CCDC158: variants seen among roughly 807,000 people sequenced by gnomAD.
CCDC158 encodes the protein coiled-coil domain containing 158.
CCDC158 carries 116 observed loss-of-function variants against 138.6 expected under a neutral mutation model. That is an observed-to-expected ratio of 0.84 (90% confidence interval 0.72 to 0.98). The LOEUF is 0.98. Among genes scored for constraint, CCDC158 ranks in the 50% least tolerant of loss-of-function variants. The pLI, the probability that CCDC158 is intolerant of heterozygous loss-of-function variation, is 0.00. For missense variants in CCDC158, 1,265 were observed against 1,306.1 expected (o/e 0.97, Z 0.48); for synonymous variants, 436 against 442.4 (o/e 0.99, Z 0.18).
chr4:76,346,948 T>C (rs1230720554), intron 18 of CCDC158, among the ~76,000 whole-genome samples: 1 of 152,152 alleles, frequency 6.6e-6, no homozygotes, highest in East Asian at 1.9e-4. Flanking sequence ...CACTGGTCAT[T>C]AGAGAAATGC....
chr4:76,375,741 A>C (rs1725661972), intron 9 of CCDC158: 2 of 620,892 alleles, frequency 3.2e-6, no homozygotes, highest in Non-Finnish European at 5.8e-6. Flanking sequence ...ACAGCATTAC[A>C]GTAAAACACT....
At chr4:76,369,763 T>C (rs1475675663) in intron 10 of CCDC158, 140 bp from the exon 11 acceptor site, 1 of 697,392 alleles carries the variant, frequency 1.4e-6, no homozygotes, top group African/African-American at 1.8e-5. Context: ...TTTAATGGCT[T>C]AAGAGCAATT....
chr4:76,333,283 G>C (rs181006271), intron 19 of CCDC158, among the ~76,000 whole-genome samples: 2 of 151,966 alleles, frequency 1.3e-5, no homozygotes, highest in Non-Finnish European at 1.5e-5. Context: ...ATTACTTTTA[G>C]GTATTTGTCA....
intron 24 of CCDC158, among the ~76,000 whole-genome samples, chr4:76,315,967 C>A (rs990551935): frequency 4.6e-5 from 7 of 152,162 alleles, no homozygotes; most frequent in African/African-American, 1.7e-4. Flanking sequence ...AGAATCTGAA[C>A]CTTGAGTTCC....
intron 24 of CCDC158, among the ~76,000 whole-genome samples, chr4:76,315,076 T>C (rs1719247093): frequency 1.3e-5 from 2 of 152,154 alleles, no homozygotes; most frequent in South Asian, 4.1e-4. Context: ...CTGGAGACAC[T>C]GGCGCTGTTA....
At chr4:76,323,431 GT>G (rs1018485505) in intron 23 of CCDC158, 22 bp from the exon 24 acceptor site, 3 of 1,544,992 alleles carry the variant, frequency 1.9e-6, no homozygotes, top group Admixed American at 3.6e-5. Context: ...TTGCTTAGAT[GT>G]GATATTAAAA....
At chr4:76,367,108 C>T (rs908200422) in intron 12 of CCDC158, among the ~76,000 whole-genome samples, 186 bp downstream of exon 12, 6 of 150,922 alleles carry the variant, frequency 4.0e-5, no homozygotes, top group African/African-American at 1.5e-4. Flanking sequence ...TTCGAGTCAT[C>T]CATTCCTTCT....
intron 24 of CCDC158, among the ~76,000 whole-genome samples, chr4:76,321,544 C>T (rs1020830302): frequency 4.7e-5 from 7 of 148,764 alleles, no homozygotes; most frequent in African/African-American, 1.2e-4. Context: ...AAAATTATAT[C>T]GATCTATCTA....
chr4:76,326,635 A>G (rs1720555776), intron 22 of CCDC158, among the ~76,000 whole-genome samples: 1 of 152,206 alleles, frequency 6.6e-6, no homozygotes, highest in Non-Finnish European at 1.5e-5. Context: ...ATCTTAAAGC[A>G]AAAGGGGAAA....
intron 9 of CCDC158, chr4:76,375,417 A>T (rs577994963): frequency 2.0e-6 from 1 of 493,550 alleles, no homozygotes; most frequent in East Asian, 3.2e-5. Flanking sequence ...TGGAATAATA[A>T]GGGATGCTAC....
intron 4 of CCDC158, among the ~76,000 whole-genome samples, chr4:76,393,748 A>C (rs929611884): frequency 6.6e-6 from 1 of 152,120 alleles, no homozygotes; most frequent in Admixed American, 6.5e-5. Flanking sequence ...GGGATTAATT[A>C]CCAGAATATA....
chr4:76,317,352 C>A (rs1225852926), intron 24 of CCDC158, among the ~76,000 whole-genome samples: 1 of 152,018 alleles, frequency 6.6e-6, no homozygotes, highest in Non-Finnish European at 1.5e-5. Context: ...AGACAAAACC[C>A]ACTTTAAAGC....
rs748919526 is a variant in CCDC158, at chr4:76,382,713, G to C, written c.811C>G (p.Gln271Glu). The change falls in exon 8 of 25, where the codon CAG becomes GAG. Residue 271 changes from glutamine to glutamate, a missense_variant. Coordinates refer to ENST00000682701, the MANE Select transcript of CCDC158 (RefSeq NM_001394954.1). ...TCAACTTCATGTTCACTTATTAACT[G>C]CTCAATCCTATAAAAAGAATGTGGT... ...LLQQHQDRIE[Q>E]LISEHEVEIT... 6.2e-7 allele frequency: 1 copy of C among 1,600,320 alleles called. No homozygotes were observed. The highest frequency in any genetic ancestry group is 1.7e-5 in the Admixed American group (1 of 59,668).
At chr4:76,386,801 T>G (rs1417009847) in intron 4 of CCDC158, among the ~76,000 whole-genome samples, 2 of 151,040 alleles carry the variant, frequency 1.3e-5, no homozygotes, top group Admixed American at 1.3e-4. Flanking sequence ...AACTGGGGGG[T>G]TTTATATTTA....
chr4:76,387,129 C>T (rs1471598255), intron 4 of CCDC158, among the ~76,000 whole-genome samples: 1 of 152,142 alleles, frequency 6.6e-6, no homozygotes, highest in African/African-American at 2.4e-5. Context: ...CCTTTCCCAA[C>T]CCCAGACGGT....
At chr4:76,419,994 C>T (rs1729983265) in intron 1 of CCDC158, among the ~76,000 whole-genome samples, 1 of 149,852 alleles carries the variant, frequency 6.7e-6, no homozygotes. Context: ...ACAGTAAGGG[C>T]TTTGCATACA....
upstream of CCDC158, chr4:76,421,679 C>G (rs1730141237): frequency 1.4e-5 from 2 of 143,682 alleles, no homozygotes; most frequent in African/African-American, 4.9e-5. Context: ...CCCACCTCAC[C>G]CCCCCCTCCC....
At position 76,420,993 on chromosome 4, in the gene CCDC158, C is replaced by G. The variant is rs1275393708; in HGVS notation, c.-145G>C. Among the ~76,000 whole-genome samples, 1 of 152,114 alleles carries G rather than the reference C, an allele frequency of 6.6e-6. No individual in the cohort carries two copies. Among genetic ancestry groups the G allele is most frequent in the African/African-American group, 2.4e-5 (1 of 41,446 alleles). On this transcript the variant is annotated 5_prime_UTR_variant, in exon 1 of 25. Transcript: ENST00000682701. ...CAACCAACACCTAATCCTAAGACAC[C>G]GGCCACATCTCCGCGGGGCGCCGGC...
intron 18 of CCDC158, 48 bp downstream of exon 18, chr4:76,350,944 ATTAC>A (rs1398341796): frequency 5.2e-6 from 8 of 1,531,266 alleles, no homozygotes; most frequent in African/African-American, 1.4e-5. Context: ...CCAATTTAAA[ATTAC>A]TTACGCATAT....
Sources: gnomAD v4.1 joint callset for allele counts (sites outside exome capture counted in the v4.1 genomes callset) on GRCh38, gnomAD v4.1.1 for gene constraint, MANE v1.5 for transcripts, NCBI Gene and HGNC (gene_info 2026-07-23, HGNC 2026-07-21) for gene names.